RELN: variants seen among roughly 807,000 people sequenced by gnomAD.
RELN encodes the protein reelin.
RELN carries 108 observed loss-of-function variants against 427.6 expected under a neutral mutation model. That is an observed-to-expected ratio of 0.25 (90% CI 0.22 to 0.30). The LOEUF is 0.30. RELN is among the 10% of genes least tolerant of loss of function. The pLI is 1.00. For synonymous variants in RELN, 1,524 were observed against 1,513.4 expected (o/e 1.01, Z -0.16); for missense variants, 3,715 against 4,302.8 (o/e 0.86, Z 3.82).
chr7:103,731,307 C>A (rs1021336027), intron 6 of RELN, among the ~76,000 whole-genome samples: 1 of 152,158 alleles, frequency 6.6e-6, no homozygotes, highest in South Asian at 2.1e-4. Flanking sequence ...CACAGCTGAA[C>A]TGTTAGTTCA....
chr7:103,610,612 T>C, intron 22 of RELN, 83 bp downstream of exon 22: 1 of 787,330 alleles, frequency 1.3e-6, no homozygotes, highest in Non-Finnish European at 2.3e-6. Context: ...ATTCAAGTCA[T>C]ACTTGAATCA....
chr7:103,609,329 TAA>T (rs1395536298), intron 22 of RELN, among the ~76,000 whole-genome samples: 1 of 151,904 alleles, frequency 6.6e-6, no homozygotes, highest in Non-Finnish European at 1.5e-5. Context: ...GTGAGGGAAA[TAA>T]AATAATGAAA....
chr7:103,656,512 C>G (rs1833026245), intron 12 of RELN, among the ~76,000 whole-genome samples: 1 of 152,038 alleles, frequency 6.6e-6, no homozygotes, highest in Non-Finnish European at 1.5e-5. Context: ...GCTCCTAGAA[C>G]AGCTCAGTTT....
intron 10 of RELN, among the ~76,000 whole-genome samples, chr7:103,688,443 A>G (rs1168464273): frequency 1.3e-5 from 2 of 152,106 alleles, no homozygotes. Flanking sequence ...GCCCAATTGA[A>G]CATTGCATGG....
chr7:103,897,908 T>G (rs529837501), intron 2 of RELN, among the ~76,000 whole-genome samples: 1 of 152,254 alleles, frequency 6.6e-6, no homozygotes, highest in East Asian at 1.9e-4. Context: ...ACATAAGTAC[T>G]TCCAGTCACT....
rs918348638 is a variant in RELN, at chr7:103,968,032, G to A, written c.226+21099C>T. Among the ~76,000 whole-genome samples, 1 of 147,916 alleles carries A rather than the reference G, an allele frequency of 6.8e-6. No individual in the cohort carries two copies. On this transcript the variant is annotated intron_variant, in intron 1 of 64. Transcript: ENST00000428762. The surrounding 1 kb of genome is among the most constrained non-coding windows in gnomAD (Gnocchi z 4.3). The stretch of plus-strand genomic sequence containing the variant: ...TATATATAAATATAAAATATATTTT[G>A]TATATATATTTATATATATGAATAT...
rs1795806713 is a variant in RELN at position 103,929,134 on chromosome 7, A to G, written c.227-11949T>C. ...AATTTCTTGAATTTACCAATGAACC[A>G]ACATCAAGTTAAATGGCATCTGGTT... is the stretch of plus-strand genomic sequence containing the variant. On this transcript the variant is annotated intron_variant, in intron 1 of 64. Transcript: ENST00000428762. 2.6e-5 allele frequency among the ~76,000 whole-genome samples: 4 copies of G among 151,920 alleles called. No homozygotes were observed. In the South Asian group the frequency reaches 8.3e-4, roughly 32 times the overall value.
rs185063645 is a variant in RELN, at chr7:103,953,460, G to T, written c.226+35671C>A. Among the ~76,000 whole-genome samples the T allele has an allele frequency of 3.4e-3, 510 of 152,232 alleles. 4 individuals carry two copies. Among genetic ancestry groups the T allele is most frequent in the African/African-American group, 0.012 (495 of 41,532 alleles). On this transcript the variant is annotated intron_variant, in intron 1 of 64. Coordinates refer to ENST00000428762, the MANE Select transcript of RELN (RefSeq NM_005045.4). The surrounding 1 kb of genome is among the most constrained non-coding windows in gnomAD (Gnocchi z 4.3). ...GCTTCATTGAAAGCAGTTCTAATGT[G>T]CTCTTGACAAATCACATTTTGGCAG...
Position 103,777,941 on chromosome 7 carries a change from T to C in RELN, c.474-1314A>G, listed in dbSNP as rs540879712. Reference sequence around the variant, plus strand: ...ATGGCACAATAGTGAGAGTTTTGAATGGTGGAAGGGAGATACAATTGGAGA... The same window carrying C: ...ATGGCACAATAGTGAGAGTTTTGAACGGTGGAAGGGAGATACAATTGGAGA... On this transcript the variant is annotated intron_variant, in intron 3 of 64. Transcript: ENST00000428762. 2.9e-3 allele frequency among the ~76,000 whole-genome samples: 420 copies of C among 143,808 alleles called. 6 individuals carry two copies. The highest frequency in any genetic ancestry group is 0.01 in the African/African-American group (401 of 39,068). The allele number at this position is 143,808 out of a possible 152,430, so 94.3% of individuals were successfully genotyped here. A position where few individuals can be genotyped will look rare whatever the true frequency, so the allele number is the denominator to read the frequency against.
chr7:103,649,092 C>T (rs754878141), intron 16 of RELN, among the ~76,000 whole-genome samples: 2 of 151,870 alleles, frequency 1.3e-5, no homozygotes, highest in Non-Finnish European at 2.9e-5. Flanking sequence ...TGAGTATCTA[C>T]CCAAAGAAAA....
intron 22 of RELN, among the ~76,000 whole-genome samples, chr7:103,608,674 C>T (rs1194639627): frequency 5.3e-5 from 8 of 152,086 alleles, no homozygotes; most frequent in South Asian, 2.1e-4. Context: ...GGAATTTAAA[C>T]GCTTATGGGT....
intron 63 of RELN, chr7:103,482,206 T>C (rs924747484): frequency 6.6e-6 from 1 of 152,398 alleles, no homozygotes; most frequent in Non-Finnish European, 1.5e-5. Flanking sequence ...TCACCTCTCC[T>C]TGCCAACCAC....
chr7:103,935,909 C>T (rs534663074), intron 1 of RELN, among the ~76,000 whole-genome samples: 2 of 152,240 alleles, frequency 1.3e-5, no homozygotes, highest in African/African-American at 4.8e-5. Flanking sequence ...CACAGCTGTT[C>T]AACCAAGTGC....
intron 4 of RELN, among the ~76,000 whole-genome samples, chr7:103,774,756 A>G (rs1791696179): frequency 6.6e-6 from 1 of 152,090 alleles, no homozygotes; most frequent in Admixed American, 6.6e-5. Context: ...GAAAGCCATC[A>G]CTCTTGCACT....
At chr7:103,505,418 A>C (rs1366746942) in intron 51 of RELN, among the ~76,000 whole-genome samples, 2 of 152,146 alleles carry the variant, frequency 1.3e-5, no homozygotes, top group Non-Finnish European at 2.9e-5. Context: ...GGTGATACCT[A>C]GGCAAACAGG....
At chr7:103,535,125 T>C (rs1426960056) in intron 46 of RELN, among the ~76,000 whole-genome samples, 191 bp downstream of exon 46, 1 of 152,228 alleles carries the variant, frequency 6.6e-6, no homozygotes, top group Non-Finnish European at 1.5e-5. Flanking sequence ...TGGGAAAACA[T>C]GGAATAATGC....
chr7:103,661,436 A>G lies in RELN; in HGVS notation c.1381T>C (p.Leu461=), dbSNP rs142746698. 8.7e-6 allele frequency: 14 copies of G among 1,613,682 alleles called. No individual in the cohort carries two copies. The African/African-American group carries it at 1.5e-4, about 17-fold the overall frequency. ...MVFLKDGERK[L]CTPSMDTTGY... ...GTAGTGTCCATGGATGGAGTGCATA[A>G]TTTCCTCTCTCCATCTTTGAGGAAG... The change falls in exon 12 of 65, where the codon TTA becomes CTA. Residue 461 remains leucine (L), a synonymous_variant. Transcript: ENST00000428762.
At chr7:103,540,734 AC>A (rs1830159823) in intron 43 of RELN, among the ~76,000 whole-genome samples, 1 of 151,996 alleles carries the variant, frequency 6.6e-6, no homozygotes, top group Admixed American at 6.6e-5. Flanking sequence ...TGTTCCCCAC[AC>A]CCTTTGGCTC....
At chr7:103,829,245 T>C (rs540051862) in intron 3 of RELN, among the ~76,000 whole-genome samples, 1 of 152,064 alleles carries the variant, frequency 6.6e-6, no homozygotes, top group South Asian at 2.1e-4. Flanking sequence ...AGTTTCTTGC[T>C]AATTTTTAGG....
Sources: allele counts gnomAD v4.1 joint callset (sites outside exome capture counted in the v4.1 genomes callset), GRCh38; gene constraint gnomAD v4.1.1; non-coding constraint Gnocchi (gnomAD v3.1); transcripts MANE v1.5; gene names NCBI Gene and HGNC (gene_info 2026-07-23, HGNC 2026-07-21).